Variants in SLC6A15 observed in about 807,000 individuals in gnomAD.
The protein encoded by SLC6A15 is sodium-dependent neutral amino acid transporter B(0)AT2.
In SLC6A15, 33 loss-of-function variants were observed where a neutral mutation model predicts 68.5. The ratio of observed to expected loss-of-function variants is 0.48; its 90% CI spans 0.37 to 0.64. The LOEUF is 0.64. Ranked by LOEUF, SLC6A15 falls within the 30% of genes least tolerant of loss-of-function variation. The probability of loss-of-function intolerance (pLI) is 0.00; values close to 1 mark genes in which losing one functional copy is unlikely to be tolerated. For synonymous variants in SLC6A15, 347 were observed against 301.0 expected, an observed-to-expected ratio of 1.15 and a Z score of -1.58; for missense variants, 747 against 874.3, an observed-to-expected ratio of 0.85 and a Z score of 1.84.
rs1422663720 is a variant in SLC6A15, at chr12:84,861,964, C to A, written c.1861G>T (p.Val621Phe). 6.2e-7 allele frequency: 1 copy of A among 1,612,270 alleles called. No homozygotes were observed. Among genetic ancestry groups the A allele is most frequent in the Non-Finnish European group, 8.5e-7 (1 of 1,179,352 alleles). ...FLSYPTWGLV[V>F]CVSLVVFAIL... ...GCAAAGACAACCAGAGAGACACAAA[C>A]AACCAGTCCCCATGTTGGATAGCTC... Residue 621 changes from valine (V) to phenylalanine (F), a missense_variant, in exon 12 of 12, where the codon GTT (valine) becomes TTT (phenylalanine). Val to Phe is a conservative substitution (Grantham distance 50). Transcript: ENST00000266682.
At chr12:84,887,082 A>T (rs548121105) in intron 2 of SLC6A15, among the ~76,000 whole-genome samples, 17 of 152,298 alleles carry the variant, frequency 1.1e-4, no homozygotes, top group African/African-American at 4.1e-4. Flanking sequence ...TCGTTCCTAC[A>T]TGAGGCTACA....
rs1296034239 is a variant in SLC6A15, at chr12:84,860,986, T to C, written c.*646A>G. On this transcript the variant is annotated 3_prime_UTR_variant, in exon 12 of 12. Transcript: ENST00000266682. ...TTTCACACATATATTTTACACAAAATATACAGCCATCACTCACATGATTCT... is the reference window on the plus strand; with the variant it reads ...TTTCACACATATATTTTACACAAAACATACAGCCATCACTCACATGATTCT... 3 of 152,148 alleles carry C rather than the reference T, an allele frequency of 2.0e-5. No homozygotes were observed. Among genetic ancestry groups the C allele is most frequent in the Non-Finnish European group, 4.4e-5 (3 of 68,002 alleles). 9.4% of individuals were successfully genotyped at this position (152,148 alleles called of 1,614,324 possible).
chr12:84,886,268 T>C (rs1200990402), intron 2 of SLC6A15, among the ~76,000 whole-genome samples, 200 bp from the exon 3 acceptor site: 1 of 152,126 alleles, frequency 6.6e-6, no homozygotes, highest in Non-Finnish European at 1.5e-5. Context: ...TTTCTGATAA[T>C]AAAATAATTA....
At chr12:84,911,364 G>T (rs529690487) in intron 1 of SLC6A15, among the ~76,000 whole-genome samples, 1 of 152,140 alleles carries the variant, frequency 6.6e-6, no homozygotes, top group Non-Finnish European at 1.5e-5. Context: ...AGGGGAAAAC[G>T]GCAAGACCAG....
At chr12:84,911,473 A>C (rs373072920) in intron 1 of SLC6A15, among the ~76,000 whole-genome samples, 1 of 152,128 alleles carries the variant, frequency 6.6e-6, no homozygotes, top group East Asian at 1.9e-4. Context: ...AGCCTTTCCC[A>C]GCTAGGGAGG....
rs1422459663 is a variant in SLC6A15, at chr12:84,883,889, A to G, written c.726T>C (p.Ala242=). The part of the protein sequence containing the change: ...LLAAWVMVCL[A]MIKGIQSSGK... ...CAGAAGACTGAATGCCTTTGATCAT[A>G]GCCAAGCAAACCATGACCCAGGCAG... The change falls in exon 5 of 12, where the codon GCT becomes GCC. Residue 242 remains alanine, a synonymous_variant. Coordinates refer to ENST00000266682, the MANE Select transcript of SLC6A15 (RefSeq NM_182767.6). 6.2e-7 allele frequency: 1 copy of G among 1,614,002 alleles called. No homozygotes were observed. The highest frequency in any genetic ancestry group is 8.5e-7 in the Non-Finnish European group (1 of 1,180,010).
rs1873071435 is a variant in SLC6A15, at chr12:84,905,016, T to A, written c.-189+7507A>T. 2.6e-5 allele frequency among the ~76,000 whole-genome samples: 4 copies of A among 152,276 alleles called. No individual in the cohort carries two copies. The South Asian group carries it at 8.3e-4, about 32-fold the overall frequency. On this transcript the variant is annotated intron_variant, in intron 1 of 11. Transcript: ENST00000266682. ...AAGAATTAACATCAATTCTACACAA[T>A]CTCTTCAGGCAATAGAAGATGATAG...
chr12:84,887,008 T>C (rs1872141443), intron 2 of SLC6A15, among the ~76,000 whole-genome samples: 1 of 152,180 alleles, frequency 6.6e-6, no homozygotes, highest in African/African-American at 2.4e-5. Context: ...AGTGGTGTGA[T>C]CACTGTTCAC....
rs531842507 is a variant in SLC6A15 at position 84,900,786 on chromosome 12, C to A, written c.-188-8478G>T. On this transcript the variant is annotated intron_variant, in intron 1 of 11. Coordinates refer to ENST00000266682, the MANE Select transcript of SLC6A15 (RefSeq NM_182767.6). ...AACAATCTTTCATTTATGAAATAAA[C>A]CTCACTTGGTCAAGATGAATTACTT... is the stretch of plus-strand genomic sequence containing the variant. Among the ~76,000 whole-genome samples the A allele has an allele frequency of 2.2e-4, 34 of 151,284 alleles. 1 individual carries two copies. Among genetic ancestry groups the A allele is most frequent in the Non-Finnish European group, 4.6e-4 (31 of 67,594 alleles).
chr12:84,887,540 G>C (rs1872172037), intron 2 of SLC6A15, among the ~76,000 whole-genome samples: 1 of 152,066 alleles, frequency 6.6e-6, no homozygotes, highest in Admixed American at 6.5e-5. Context: ...CATATACAAT[G>C]TAAAAATTGG....
intron 10 of SLC6A15, among the ~76,000 whole-genome samples, chr12:84,865,643 A>G (rs1021343325): frequency 5.8e-4 from 89 of 152,302 alleles, no homozygotes; most frequent in African/African-American, 2.1e-3. Flanking sequence ...AACCCCTGTT[A>G]ACTGCTGATG....
chr12:84,876,253 A>AT (rs1448626079), intron 6 of SLC6A15, among the ~76,000 whole-genome samples: 5 of 152,048 alleles, frequency 3.3e-5, no homozygotes, highest in African/African-American at 1.2e-4. Flanking sequence ...TAAAAGAGAG[A>AT]TTTTTGAAGT....
chr12:84,861,621 T>C lies in SLC6A15; in HGVS notation c.*11A>G, dbSNP rs1276686785. The C allele has an allele frequency of 2.5e-6, 4 of 1,579,880 alleles. No individual in the cohort carries two copies. The highest frequency in any genetic ancestry group is 3.4e-6 in the Non-Finnish European group (4 of 1,159,900). ...AATGAACCAAATAAAACCCACTGAC[T>C]TTTCCCCCAGCTACAAATCAGATTC... is the stretch of plus-strand genomic sequence containing the variant. On this transcript the variant is annotated 3_prime_UTR_variant, in exon 12 of 12. Transcript: ENST00000266682.
chr12:84,870,692 A>C (rs763060150), intron 8 of SLC6A15, 22 bp from the exon 9 acceptor site: 1 of 1,546,324 alleles, frequency 6.5e-7, no homozygotes, highest in African/African-American at 1.4e-5. Context: ...ACAAAATAGC[A>C]ACATTAGTAC....
intron 9 of SLC6A15, among the ~76,000 whole-genome samples, chr12:84,869,719 G>A (rs1871209096): frequency 1.3e-5 from 2 of 151,836 alleles, no homozygotes; most frequent in Admixed American, 1.3e-4. Flanking sequence ...CAGTTCCATC[G>A]TATATTTAGA....
In SLC6A15 at chr12:84,873,393, G is replaced by T. The variant is rs1303289827; in HGVS notation, c.868-65C>A. On this transcript the variant is annotated intron_variant, in intron 6 of 11. Coordinates refer to ENST00000266682, the MANE Select transcript of SLC6A15 (RefSeq NM_182767.6). ...ATGTTTCAGAATAATTAATTTTTAT[G>T]GAATTTACTGTTTATGGAGTATACA... 2.6e-6 allele frequency: 4 copies of T among 1,551,858 alleles called. No homozygotes were observed. The African/African-American group carries it at 5.5e-5, about 21-fold the overall frequency.
chr12:84,859,541 A>G lies in SLC6A15; in HGVS notation c.*2091T>C, dbSNP rs533090553. On this transcript the variant is annotated 3_prime_UTR_variant, in exon 12 of 12. Coordinates refer to ENST00000266682, the MANE Select transcript of SLC6A15 (RefSeq NM_182767.6). The stretch of plus-strand genomic sequence containing the variant: ...GCTTTCACTATATTTATATACATCA[A>G]AACAGCATGTTGTACACCTTAGATG... 6.6e-5 allele frequency: 10 copies of G among 151,966 alleles called. No individual in the cohort carries two copies. Among genetic ancestry groups the G allele is most frequent in the Non-Finnish European group, 1.3e-4 (9 of 67,922 alleles). 9.4% of individuals were successfully genotyped at this position (151,966 alleles called of 1,614,324 possible).
chr12:84,882,108 C>T (rs1024357935), intron 5 of SLC6A15: 1 of 985,174 alleles, frequency 1.0e-6, no homozygotes, highest in African/African-American at 1.7e-5. Flanking sequence ...TTAAGTGATG[C>T]TAAGACACAG....
At chr12:84,908,701 T>C (rs1873294403) in intron 1 of SLC6A15, among the ~76,000 whole-genome samples, 1 of 151,140 alleles carries the variant, frequency 6.6e-6, no homozygotes, top group African/African-American at 2.4e-5. Flanking sequence ...CTTCAATAAA[T>C]ATTTTCTGTA....
Sources: gnomAD v4.1 joint callset for allele counts (sites outside exome capture counted in the v4.1 genomes callset) on GRCh38, gnomAD v4.1.1 for gene constraint, MANE v1.5 for transcripts, NCBI Gene and HGNC (gene_info 2026-07-23, HGNC 2026-07-21) for gene names.